The following ZIC1 variants were observed in gnomAD, a reference collection of about 807,000 sequenced individuals.
The protein encoded by ZIC1 is zinc finger protein ZIC 1.
ZIC1 carries 4 observed loss-of-function variants against 30.9 expected under a neutral mutation model. That is an observed-to-expected ratio of 0.13 (90% CI 0.06 to 0.30). The LOEUF is 0.30. ZIC1 is among the 10% of genes least tolerant of loss of function. The pLI, the probability that ZIC1 is intolerant of heterozygous loss-of-function variation, is 1.00. For missense variants in ZIC1, 441 were observed against 639.3 expected (o/e 0.69, Z 3.34); for synonymous variants, 305 against 277.5 (o/e 1.10, Z -0.98).
rs763617534 is a variant in ZIC1 at position 147,410,904 on chromosome 3, G to C, written c.792G>C (p.Pro264=). Residue 264 remains proline (P), a synonymous_variant, in exon 1 of 3, where the codon CCG becomes CCC. Coordinates refer to ENST00000282928, the MANE Select transcript of ZIC1 (RefSeq NM_003412.4). ...THVTVEHVGG[P]EQSNHICFWE... ...TCACCGTGGAGCACGTAGGTGGCCC[G>C]GAGCAGAGTAATCACATCTGCTTCT... is the stretch of plus-strand genomic sequence containing the variant. The C allele has an allele frequency of 1.2e-6, 2 of 1,614,286 alleles. No individual in the cohort carries two copies. The highest frequency in any genetic ancestry group is 1.7e-6 in the Non-Finnish European group (2 of 1,180,054).
Position 147,413,867 on chromosome 3 carries a change from C to CGA in ZIC1, c.*317_*318insAG, listed in dbSNP as rs2087406609. The CGA allele has an allele frequency of 8.1e-6, 2 of 245,900 alleles. No individual in the cohort carries two copies. The highest frequency in any genetic ancestry group is 1.5e-5 in the Non-Finnish European group (2 of 130,300). The allele number at this position is 245,900 out of a possible 1,614,324, so 15.2% of individuals were successfully genotyped here. On this transcript the variant is annotated 3_prime_UTR_variant, in exon 3 of 3. Coordinates refer to ENST00000282928, the MANE Select transcript of ZIC1 (RefSeq NM_003412.4). Reference sequence around the variant, plus strand: ...GGGCCAGTTTCTTGTCGAATTGGTACGGGCTCTCTGGGGCTTCGGCTTCTT... The same window carrying CGA: ...GGGCCAGTTTCTTGTCGAATTGGTACGAGGGCTCTCTGGGGCTTCGGCTTCTT...
At chr3:147,413,207 C>G (rs1419147786) in intron 2 of ZIC1, 147 bp from the exon 3 acceptor site, 1 of 840,394 alleles carries the variant, frequency 1.2e-6, no homozygotes, top group East Asian at 2.7e-5. Context: ...GCAGAGAAAC[C>G]AAGCCCAAAG....
Position 147,413,608 on chromosome 3 carries a change from A to C in ZIC1, c.*57A>C. 2 of 1,571,040 alleles carry C rather than the reference A, an allele frequency of 1.3e-6. No homozygotes were observed. Among genetic ancestry groups the C allele is most frequent in the Non-Finnish European group, 1.7e-6 (2 of 1,152,452 alleles). The stretch of plus-strand genomic sequence containing the variant: ...TTTAAGAGACTGATCACACACGTAT[A>C]CACAACATTACTGAAAGAACCCTGC... On this transcript the variant is annotated 3_prime_UTR_variant, in exon 3 of 3. Coordinates refer to ENST00000282928, the MANE Select transcript of ZIC1 (RefSeq NM_003412.4).
Position 147,414,389 on chromosome 3 carries a change from T to C in ZIC1, c.*838T>C, listed in dbSNP as rs2087414431. 6.5e-6 allele frequency: 1 copy of C among 152,680 alleles called. No individual in the cohort carries two copies. Among genetic ancestry groups the C allele is most frequent in the Admixed American group, 6.5e-5 (1 of 15,288 alleles). 9.5% of individuals were successfully genotyped at this position (152,680 alleles called of 1,614,324 possible). A position where few individuals can be genotyped will look rare whatever the true frequency, so the allele number is the denominator to read the frequency against. ...ACTGTCCGTTACTTTTGGCAAAAGA[T>C]ACAACCACATAATGTATATAATTCC... On this transcript the variant is annotated 3_prime_UTR_variant, in exon 3 of 3. Transcript: ENST00000282928.
chr3:147,413,246 AG>A (rs2087397884), intron 2 of ZIC1, 107 bp from the exon 3 acceptor site: 4 of 1,204,562 alleles, frequency 3.3e-6, no homozygotes, highest in Admixed American at 2.3e-5. Context: ...ACCTGTGTTC[AG>A]GGGGCTCCAA....
At position 147,410,023 on chromosome 3, in the gene ZIC1, C is replaced by T; in HGVS notation, c.-90C>T. ...TCTTCTTCCTCCTCTTCCTCCTCCT[C>T]TTGTTCCTCCTCCTCCTCCCGATTT... is the stretch of plus-strand genomic sequence containing the variant. On this transcript the variant is annotated 5_prime_UTR_variant, in exon 1 of 3. Transcript: ENST00000282928. The T allele has an allele frequency of 1.5e-6, 2 of 1,333,822 alleles. No homozygotes were observed. The highest frequency in any genetic ancestry group is 6.3e-5 in the Admixed American group (2 of 31,926). The allele number at this position is 1,333,822 out of a possible 1,614,324, so 82.6% of individuals were successfully genotyped here.
rs746422251 is a variant in ZIC1, at chr3:147,410,102, G to A, written c.-11G>A. The A allele has an allele frequency of 5.3e-6, 8 of 1,497,806 alleles. No individual in the cohort carries two copies. The highest frequency in any genetic ancestry group is 2.7e-5 in the South Asian group (2 of 75,434). The allele number at this position is 1,497,806 out of a possible 1,614,324, so 92.8% of individuals were successfully genotyped here. On this transcript the variant is annotated 5_prime_UTR_variant, in exon 1 of 3. Coordinates refer to ENST00000282928, the MANE Select transcript of ZIC1 (RefSeq NM_003412.4). Reference sequence around the variant, plus strand: ...GGCGGGGGAGGCCGGGGCTCGCCCCGAGCAGCCACGATGCTCCTGGACGCC... The same window carrying A: ...GGCGGGGGAGGCCGGGGCTCGCCCCAAGCAGCCACGATGCTCCTGGACGCC...
rs774400585 is a variant in ZIC1, at chr3:147,410,566, G to A, written c.454G>A (p.Gly152Ser). 2 of 1,611,708 alleles carry A rather than the reference G, an allele frequency of 1.2e-6. No individual in the cohort carries two copies. Among genetic ancestry groups the A allele is most frequent in the Admixed American group, 1.7e-5 (1 of 59,928 alleles). The stretch of plus-strand genomic sequence containing the variant: ...CCCCGGGCTTCACGAGCAGGCTGCC[G>A]GCCACGCGTCGCCTAACGTGGTCAA... Reference protein sequence around the residue: ...LFPGLHEQAAGHASPNVVNGQ... With the variant: ...LFPGLHEQAASHASPNVVNGQ... Residue 152 changes from glycine (G) to serine (S), a missense_variant, in exon 1 of 3, where the codon GGC (glycine) becomes AGC (serine). Gly to Ser is a moderately conservative substitution (Grantham distance 56, BLOSUM62 0). Transcript: ENST00000282928.
Position 147,414,723 on chromosome 3 carries a change from C to T in ZIC1, c.*1172C>T, listed in dbSNP as rs2087419218. The T allele has an allele frequency of 6.6e-6, 1 of 152,548 alleles. No homozygotes were observed. Among genetic ancestry groups the T allele is most frequent in the Admixed American group, 6.6e-5 (1 of 15,266 alleles). The allele number at this position is 152,548 out of a possible 1,614,324, so 9.4% of individuals were successfully genotyped here. A position where few individuals can be genotyped will look rare whatever the true frequency, so the allele number is the denominator to read the frequency against. On this transcript the variant is annotated 3_prime_UTR_variant, in exon 3 of 3. Coordinates refer to ENST00000282928, the MANE Select transcript of ZIC1 (RefSeq NM_003412.4). ...AAATGAATGCTACCCTGCTGGCTCT[C>T]CGAGAGAGTGTAATTAGTATTTATA...
chr3:147,410,778 G>A lies in ZIC1; in HGVS notation c.666G>A (p.Lys222=), dbSNP rs1378115967. The change falls in exon 1 of 3, where the codon AAG becomes AAA. Residue 222 remains lysine, a synonymous_variant. Coordinates refer to ENST00000282928, the MANE Select transcript of ZIC1 (RefSeq NM_003412.4). ...AFFRYMRQPI[K]QELICKWIEP... is the part of the protein sequence containing the mutation. ...TCCGCTACATGCGCCAACCCATCAA[G>A]CAAGAGCTCATCTGCAAGTGGATCG... 1 of 1,614,232 alleles carries A rather than the reference G, an allele frequency of 6.2e-7. No homozygotes were observed. Among genetic ancestry groups the A allele is most frequent in the Non-Finnish European group, 8.5e-7 (1 of 1,180,032 alleles).
In ZIC1 at chr3:147,409,671, G is replaced by A. The variant is rs2087344261; in HGVS notation, c.-442G>A. Reference sequence around the variant, plus strand: ...AAGTAAGGAGGGGCGCGCTGCGCGAGGCGGAGAGAGGGCGAAGCAGTCGCG... The same window carrying A: ...AAGTAAGGAGGGGCGCGCTGCGCGAAGCGGAGAGAGGGCGAAGCAGTCGCG... On this transcript the variant is annotated 5_prime_UTR_variant, in exon 1 of 3. Transcript: ENST00000282928. The A allele has an allele frequency of 6.0e-6, 1 of 167,546 alleles. No individual in the cohort carries two copies. The highest frequency in any genetic ancestry group is 1.3e-5 in the Non-Finnish European group (1 of 78,784). 10.4% of individuals were successfully genotyped at this position (167,546 alleles called of 1,614,324 possible). A position where few individuals can be genotyped will look rare whatever the true frequency, so the allele number is the denominator to read the frequency against.
chr3:147,412,811 A>G lies in ZIC1; in HGVS notation c.1146+130A>G, dbSNP rs994815131. The G allele has an allele frequency of 5.1e-6, 6 of 1,176,544 alleles. No individual in the cohort carries two copies. The South Asian group carries it at 9.0e-5, about 18-fold the overall frequency. The allele number at this position is 1,176,544 out of a possible 1,614,324, so 72.9% of individuals were successfully genotyped here. On this transcript the variant is annotated intron_variant, in intron 2 of 2. Coordinates refer to ENST00000282928, the MANE Select transcript of ZIC1 (RefSeq NM_003412.4). Reference sequence around the variant, plus strand: ...AAGCGGGAAGGCAAAGGTTCCACTCAGTGGAACTGGGCAGAGAAGGTAGGG... The same window carrying G: ...AAGCGGGAAGGCAAAGGTTCCACTCGGTGGAACTGGGCAGAGAAGGTAGGG...
Position 147,414,361 on chromosome 3 carries a change from A to G in ZIC1, c.*810A>G, listed in dbSNP as rs2087414181. 6.6e-6 allele frequency: 1 copy of G among 152,588 alleles called. No homozygotes were observed. The highest frequency in any genetic ancestry group is 2.4e-5 in the African/African-American group (1 of 41,420). The allele number at this position is 152,588 out of a possible 1,614,324, so 9.5% of individuals were successfully genotyped here. A position where few individuals can be genotyped will look rare whatever the true frequency, so the allele number is the denominator to read the frequency against. ...AGTGATATTAAAAAAGATATAAACT[A>G]TAACTGTCCGTTACTTTTGGCAAAA... On this transcript the variant is annotated 3_prime_UTR_variant, in exon 3 of 3. Coordinates refer to ENST00000282928, the MANE Select transcript of ZIC1 (RefSeq NM_003412.4).
In ZIC1 at chr3:147,410,012, TTCCTCCTCCTCTTGTTCC is replaced by T; in HGVS notation, c.-89_-72del. The T allele has an allele frequency of 7.9e-7, 1 of 1,270,282 alleles. No individual in the cohort carries two copies. The highest frequency in any genetic ancestry group is 1.0e-6 in the Non-Finnish European group (1 of 964,094). 78.7% of individuals were successfully genotyped at this position (1,270,282 alleles called of 1,614,324 possible). On this transcript the variant is annotated 5_prime_UTR_variant, in exon 1 of 3. Transcript: ENST00000282928. The stretch of plus-strand genomic sequence containing the variant: ...CTCCCTCCTCCTCTTCTTCCTCCTC[TTCCTCCTCCTCTTGTTCC>T]TCCTCCTCCTCCCGATTTTCCCTCC...
intron 2 of ZIC1, 139 bp from the exon 3 acceptor site, chr3:147,413,215 A>C: frequency 1.1e-6 from 1 of 890,366 alleles, no homozygotes; most frequent in Non-Finnish European, 1.7e-6. Context: ...ACCAAGCCCA[A>C]AGTCCCGCTG....
At position 147,415,934 on chromosome 3, in the gene ZIC1, T is replaced by A. The variant is rs2087430101; in HGVS notation, c.*2383T>A. The A allele has an allele frequency of 2.6e-5, 4 of 152,232 alleles. No individual in the cohort carries two copies. Among genetic ancestry groups the A allele is most frequent in the Admixed American group, 2.6e-4 (4 of 15,288 alleles). 9.4% of individuals were successfully genotyped at this position (152,232 alleles called of 1,614,324 possible). On this transcript the variant is annotated 3_prime_UTR_variant, in exon 3 of 3. Transcript: ENST00000282928. ...ACTTTGCTGCACTTACTGTACCACA[T>A]CAAACACTGGGGAGGGTGGTGTTTA...
In ZIC1 at chr3:147,416,494, T is replaced by A. The variant is rs973107964; in HGVS notation, c.*2943T>A. The A allele has an allele frequency of 9.2e-5, 14 of 152,206 alleles. No individual in the cohort carries two copies. Among genetic ancestry groups the A allele is most frequent in the African/African-American group, 3.4e-4 (14 of 41,454 alleles). The allele number at this position is 152,206 out of a possible 1,614,324, so 9.4% of individuals were successfully genotyped here. A position where few individuals can be genotyped will look rare whatever the true frequency, so the allele number is the denominator to read the frequency against. ...TGCCCCTTTTGCTTTAATACCACAG[T>A]GTAACAATTAAATATCACACTATGA... On this transcript the variant is annotated 3_prime_UTR_variant, in exon 3 of 3. Coordinates refer to ENST00000282928, the MANE Select transcript of ZIC1 (RefSeq NM_003412.4).
chr3:147,410,112 G>T lies in ZIC1; in HGVS notation c.-1G>T. The T allele has an allele frequency of 1.3e-6, 2 of 1,526,576 alleles. No individual in the cohort carries two copies. Among genetic ancestry groups the T allele is most frequent in the Middle Eastern group, 1.9e-4 (1 of 5,264 alleles). 94.6% of individuals were successfully genotyped at this position (1,526,576 alleles called of 1,614,324 possible). A position where few individuals can be genotyped will look rare whatever the true frequency, so the allele number is the denominator to read the frequency against. ...GCCGGGGCTCGCCCCGAGCAGCCACGATGCTCCTGGACGCCGGCCCCCAGT... is the reference window on the plus strand; with the variant it reads ...GCCGGGGCTCGCCCCGAGCAGCCACTATGCTCCTGGACGCCGGCCCCCAGT... On this transcript the variant is annotated 5_prime_UTR_variant, in exon 1 of 3. Coordinates refer to ENST00000282928, the MANE Select transcript of ZIC1 (RefSeq NM_003412.4).
rs190511975 is a variant in ZIC1, at chr3:147,411,264, A to T, written c.982+170A>T. Reference sequence around the variant, plus strand: ...GATTTTTAGTTTCTGGCTTGAAATTATGGAAAACACACACACACACACAGG... The same window carrying T: ...GATTTTTAGTTTCTGGCTTGAAATTTTGGAAAACACACACACACACACAGG... On this transcript the variant is annotated intron_variant, in intron 1 of 2. Transcript: ENST00000282928. 0.013 allele frequency among the ~76,000 whole-genome samples: 1,827 copies of T among 142,730 alleles called. 15 individuals are homozygous for T. The highest frequency in any genetic ancestry group is 0.021 in the Non-Finnish European group (1,316 of 64,128). The allele number at this position is 142,730 out of a possible 152,430, so 93.6% of individuals were successfully genotyped here. A position where few individuals can be genotyped will look rare whatever the true frequency, so the allele number is the denominator to read the frequency against.
Sources: gnomAD v4.1 joint callset for allele counts (sites outside exome capture counted in the v4.1 genomes callset) on GRCh38, gnomAD v4.1.1 for gene constraint, MANE v1.5 for transcripts, NCBI Gene and HGNC (gene_info 2026-07-23, HGNC 2026-07-21) for gene names.